The following BICD2 variants were observed in gnomAD, a reference collection of about 807,000 sequenced individuals.
The protein encoded by BICD2 is BICD cargo adaptor 2.
In BICD2, 25 loss-of-function variants were observed where a neutral mutation model predicts 72.9. The ratio of observed to expected loss-of-function variants is 0.34; its 90% CI spans 0.25 to 0.48. The LOEUF is 0.48. Among genes scored for constraint, BICD2 ranks in the 20% least tolerant of loss-of-function variants. The pLI is 0.99. For synonymous variants in BICD2, 501 were observed against 516.1 expected, an observed-to-expected ratio of 0.97 and a Z score of 0.40; for missense variants, 894 against 1,175.2, an observed-to-expected ratio of 0.76 and a Z score of 3.50.
intron 1 of BICD2, among the ~76,000 whole-genome samples, chr9:92,732,661 C>A (rs1051356721): frequency 1.3e-5 from 2 of 152,188 alleles, no homozygotes; most frequent in African/African-American, 2.4e-5. Flanking sequence ...GGAACAACAT[C>A]TTTTAAACAA....
At chr9:92,730,997 C>G (rs912260) in intron 1 of BICD2, among the ~76,000 whole-genome samples, 102,746 of 152,156 alleles carry the variant, frequency 0.68, 36,393 homozygotes, top group African/African-American at 0.89. Context: ...CACAGCACCT[C>G]ATCCACCCTG....
rs780893680 is a variant in BICD2, at chr9:92,718,561, G to A, written c.2084C>T (p.Thr695Ile). Residue 695 changes from threonine to isoleucine, a missense_variant, in exon 5 of 7, where the codon ACT becomes ATT. Coordinates refer to ENST00000356884, the MANE Select transcript of BICD2 (RefSeq NM_001003800.2). Reference protein sequence around the residue: ...TKREQITTLRTVLKANKQTAE... With the variant: ...TKREQITTLRIVLKANKQTAE... ...CACCTGCTTGTTGGCCTTGAGCACA[G>A]TGCGCAGCGTGGTGATCTGCTCCCG... is the stretch of plus-strand genomic sequence containing the variant. 2 of 1,612,538 alleles carry A rather than the reference G, an allele frequency of 1.2e-6. No individual in the cohort carries two copies. The highest frequency in any genetic ancestry group is 1.7e-6 in the Non-Finnish European group (2 of 1,179,682).
At position 92,719,473 on chromosome 9, in the gene BICD2, G is replaced by A. The variant is rs1403939993; in HGVS notation, c.1172C>T (p.Thr391Ile). 1 of 1,614,078 alleles carries A rather than the reference G, an allele frequency of 6.2e-7. No individual in the cohort carries two copies. The highest frequency in any genetic ancestry group is 8.5e-7 in the Non-Finnish European group (1 of 1,180,028). ...SEQQEKVTRL[T>I]ENLSALRRLQ... Reference sequence around the variant, plus strand: ...GCGCCGCAGGGCACTCAGATTCTCTGTGAGGCGGGTCACCTTCTCCTGCTG... The same window carrying A: ...GCGCCGCAGGGCACTCAGATTCTCTATGAGGCGGGTCACCTTCTCCTGCTG... The change falls in exon 5 of 7, where the codon ACA becomes ATA. Residue 391 changes from threonine (T) to isoleucine (I), a missense_variant. Transcript: ENST00000356884.
chr9:92,734,513 CA>C (rs34489248), intron 1 of BICD2, among the ~76,000 whole-genome samples: 21,556 of 106,842 alleles, frequency 0.2, 2,722 homozygotes, highest in East Asian at 0.72. Flanking sequence ...GACCCTGTCT[CA>C]AAAAAAAAAA....
intron 1 of BICD2, among the ~76,000 whole-genome samples, chr9:92,759,690 C>T (rs1854331662): frequency 6.6e-6 from 1 of 152,236 alleles, no homozygotes; most frequent in African/African-American, 2.4e-5. Flanking sequence ...CAATGCTTTA[C>T]CTGTCAAAGC....
chr9:92,717,404 T>C (rs1009359959), intron 6 of BICD2, among the ~76,000 whole-genome samples: 1 of 152,212 alleles, frequency 6.6e-6, no homozygotes, highest in Non-Finnish European at 1.5e-5. Flanking sequence ...GGGGCTGGGC[T>C]AGGTGCAAAA....
In BICD2 at chr9:92,720,448, T is replaced by C. The variant is rs1480204082; in HGVS notation, c.914A>G (p.His305Arg). ...DAEALVNGFE[H>R]GGLAKLPLDN... Reference sequence around the variant, plus strand: ...CAGTGGCAGCTTGGCCAGGCCGCCGTGCTCAAAGCCATTGACCAGGGCCTC... The same window carrying C: ...CAGTGGCAGCTTGGCCAGGCCGCCGCGCTCAAAGCCATTGACCAGGGCCTC... Residue 305 changes from histidine (H) to arginine (R), a missense_variant, in exon 4 of 7, where the codon CAC becomes CGC. By Grantham distance (29) the His-to-Arg change is conservative. This residue lies in a region of BICD2 where 371 missense variants were observed against 439.1 expected (regional missense o/e 0.84). Transcript: ENST00000356884. The surrounding 1 kb of genome is among the most constrained non-coding windows in gnomAD (Gnocchi z 5.4). 1.2e-6 allele frequency: 2 copies of C among 1,614,174 alleles called. No homozygotes were observed. Among genetic ancestry groups the C allele is most frequent in the African/African-American group, 1.3e-5 (1 of 75,026 alleles).
At chr9:92,726,054 G>A (rs1029439816) in intron 2 of BICD2, among the ~76,000 whole-genome samples, 1 of 152,224 alleles carries the variant, frequency 6.6e-6, no homozygotes, top group African/African-American at 2.4e-5. Context: ...TAGCAGGAGA[G>A]AAGCTGGAGG....
chr9:92,713,603 C>T lies in BICD2; in HGVS notation c.*1551G>A, dbSNP rs917169577. 2 of 1,526,426 alleles carry T rather than the reference C, an allele frequency of 1.3e-6. No homozygotes were observed. Among genetic ancestry groups the T allele is most frequent in the African/African-American group, 1.4e-5 (1 of 72,588 alleles). 94.6% of individuals were successfully genotyped at this position (1,526,426 alleles called of 1,614,324 possible). On this transcript the variant is annotated 3_prime_UTR_variant, in exon 7 of 7. Coordinates refer to ENST00000356884, the MANE Select transcript of BICD2 (RefSeq NM_001003800.2). ...AAGACCTGCATGTGTTAGCAGGGGTCCCAGTGGCTTGGGTGTCTGCAAAGT... is the reference window on the plus strand; with the variant it reads ...AAGACCTGCATGTGTTAGCAGGGGTTCCAGTGGCTTGGGTGTCTGCAAAGT...
intron 2 of BICD2, 60 bp from the exon 3 acceptor site, chr9:92,722,868 A>T: frequency 6.2e-7 from 1 of 1,602,718 alleles, no homozygotes; most frequent in South Asian, 1.1e-5. Flanking sequence ...AGAGGGGCTC[A>T]GTGCAGCCAG....
chr9:92,718,298 G>A (rs1027089010), intron 5 of BICD2, among the ~76,000 whole-genome samples: 6 of 152,236 alleles, frequency 3.9e-5, no homozygotes, highest in African/African-American at 1.4e-4. Flanking sequence ...AAGGGCAGCG[G>A]CATTTCTCAC....
chr9:92,718,769 T>C lies in BICD2; in HGVS notation c.1876A>G (p.Asn626Asp). The C allele has an allele frequency of 6.2e-7, 1 of 1,613,990 alleles. No homozygotes were observed. ...ATGATAGCGATCAGGTTGTAGATGTTCATGGGCTCCCGGCGTGGGTCACTC... is the reference window on the plus strand; with the variant it reads ...ATGATAGCGATCAGGTTGTAGATGTCCATGGGCTCCCGGCGTGGGTCACTC... ...PLSDPRREPM[N>D]IYNLIAIIRD... Residue 626 changes from asparagine to aspartate, a missense_variant, in exon 5 of 7, where the codon AAC becomes GAC. Transcript: ENST00000356884.
At chr9:92,759,599 A>C (rs538998042) in intron 1 of BICD2, among the ~76,000 whole-genome samples, 2 of 152,200 alleles carry the variant, frequency 1.3e-5, no homozygotes, top group Non-Finnish European at 2.9e-5. Context: ...GCAGCTAGGC[A>C]GCCACATTGG....
chr9:92,757,312 C>CAAAAAAAA (rs1169381290), intron 1 of BICD2, among the ~76,000 whole-genome samples: 2 of 52,738 alleles, frequency 3.8e-5, no homozygotes, highest in Non-Finnish European at 7.1e-5. Flanking sequence ...AGACTGTCTC[C>CAAAAAAAA]AAAAAAAAAA....
chr9:92,720,257 C>T lies in BICD2; in HGVS notation c.1062+43G>A. ...GCACTGCTCGGGGAGCCCTGCAGAC[C>T]TGGAGTGGGGACAGCGTGCCGAAGG... On this transcript the variant is annotated intron_variant, in intron 4 of 6. Transcript: ENST00000356884. This position sits in a 1 kb window ranked among gnomAD's most constrained non-coding sequence, Gnocchi z 5.4. 6.4e-7 allele frequency: 1 copy of T among 1,562,064 alleles called. No homozygotes were observed. The highest frequency in any genetic ancestry group is 1.4e-5 in the African/African-American group (1 of 74,020).
intron 1 of BICD2, among the ~76,000 whole-genome samples, chr9:92,752,110 C>G (rs1854162909): frequency 6.6e-6 from 1 of 152,126 alleles, no homozygotes; most frequent in Non-Finnish European, 1.5e-5. Flanking sequence ...CAGCCACTAA[C>G]TAACTGCATG....
At chr9:92,763,851 G>T (rs1042663297) in intron 1 of BICD2, among the ~76,000 whole-genome samples, 8 of 152,152 alleles carry the variant, frequency 5.3e-5, no homozygotes, top group Non-Finnish European at 2.9e-5. Flanking sequence ...GCGCAATCCC[G>T]GCCATGAGGA....
At chr9:92,755,436 C>T (rs1001351985) in intron 1 of BICD2, among the ~76,000 whole-genome samples, 6 of 152,180 alleles carry the variant, frequency 3.9e-5, no homozygotes, top group African/African-American at 1.4e-4. Context: ...CACCTATTCG[C>T]ACACTCCCTC....
chr9:92,722,908 C>G (rs190505315), intron 2 of BICD2, 100 bp from the exon 3 acceptor site: 4 of 1,461,664 alleles, frequency 2.7e-6, no homozygotes, highest in African/African-American at 1.4e-5. Context: ...ACAGCCAGAA[C>G]TCAAGAGCCC....
Sources: gnomAD v4.1 joint callset for allele counts (sites outside exome capture counted in the v4.1 genomes callset) on GRCh38, gnomAD v4.1.1 for gene constraint, gnomAD v4.1.1 regional missense constraint, Gnocchi (gnomAD v3.1) non-coding constraint, MANE v1.5 for transcripts, NCBI Gene and HGNC (gene_info 2026-07-23, HGNC 2026-07-21) for gene names.